SRGAP3: variants seen among roughly 807,000 people sequenced by gnomAD.
The protein encoded by SRGAP3 is SLIT-ROBO Rho GTPase-activating protein 3.
A neutral mutation model predicts 121.1 loss-of-function variants in SRGAP3; 39 were observed. The observed-to-expected ratio is 0.32, with a 90% CI of 0.25 to 0.42. The LOEUF (loss-of-function observed/expected upper bound fraction) is 0.42. Ranked by LOEUF, SRGAP3 falls within the 10% of genes least tolerant of loss-of-function variation. SRGAP3 has a pLI of 1.00. For missense variants in SRGAP3, 1,213 were observed against 1,470.6 expected (o/e 0.82, Z 2.86); for synonymous variants, 601 against 570.0 (o/e 1.05, Z -0.77).
chr3:9,317,216 G>A (rs770838095), intron 3 of SRGAP3, among the ~76,000 whole-genome samples: 5 of 152,166 alleles, frequency 3.3e-5, no homozygotes, highest in South Asian at 2.1e-4. Flanking sequence ...ACCAGCTAAC[G>A]TAGACTCCAT....
intron 4 of SRGAP3, among the ~76,000 whole-genome samples, chr3:9,067,965 G>C (rs1254738672): frequency 6.6e-6 from 1 of 152,068 alleles, no homozygotes; most frequent in African/African-American, 2.4e-5. Context: ...AAATAAAATA[G>C]GTGTGGCTAA....
chr3:9,049,564 G>C, intron 9 of SRGAP3: 1 of 451,178 alleles, frequency 2.2e-6, no homozygotes, highest in Non-Finnish European at 4.5e-6. Context: ...GTCCTCCCCA[G>C]TGTAAACTGA....
At chr3:9,161,865 T>A (rs1950609817) in intron 1 of SRGAP3, among the ~76,000 whole-genome samples, 1 of 151,734 alleles carries the variant, frequency 6.6e-6, no homozygotes, top group Non-Finnish European at 1.5e-5. Flanking sequence ...CAAACCTTTG[T>A]CAAAACCTCA....
At chr3:8,998,109 G>A (rs911944294) in intron 18 of SRGAP3, among the ~76,000 whole-genome samples, 20 of 152,090 alleles carry the variant, frequency 1.3e-4, no homozygotes, top group Non-Finnish European at 4.4e-5. Context: ...GGCTGGTCTC[G>A]AACTTCTGGA....
chr3:9,329,747 C>T (rs1955575085), intron 2 of SRGAP3, among the ~76,000 whole-genome samples: 1 of 152,184 alleles, frequency 6.6e-6, no homozygotes, highest in Admixed American at 6.5e-5. Flanking sequence ...TCTTTTCCAG[C>T]AGTCCCATCA....
chr3:9,015,695 T>C lies in SRGAP3; in HGVS notation c.1715A>G (p.Asp572Gly). 6.2e-7 allele frequency: 1 copy of C among 1,614,244 alleles called. No homozygotes were observed. Among genetic ancestry groups the C allele is most frequent in the Non-Finnish European group, 8.5e-7 (1 of 1,180,044 alleles). Residue 572 changes from aspartate (D) to glycine (G), a missense_variant, in exon 15 of 22, where the codon GAT becomes GGT. Physicochemically the swap from Asp to Gly is moderately conservative, Grantham distance 94. Transcript: ENST00000383836. ...TAAAACACCAGCGACTGAATTGATA[T>C]CTCGTTCATTTTGATCGTCCACAAG... is the stretch of plus-strand genomic sequence containing the variant. ...DPLVDDQNERDINSVAGVLKL... is the reference protein window; with the variant it reads ...DPLVDDQNERGINSVAGVLKL...
intron 11 of SRGAP3, chr3:9,036,961 AG>A (rs796312385): frequency 1.9e-4 from 29 of 152,318 alleles, no homozygotes; most frequent in African/African-American, 7.0e-4. Context: ...CAGAGCCCAG[AG>A]GAACAGCTGT....
At chr3:9,105,993 A>ATC (rs1560160814) in intron 2 of SRGAP3, among the ~76,000 whole-genome samples, 1 of 152,234 alleles carries the variant, frequency 6.6e-6, no homozygotes, top group African/African-American at 2.4e-5. Context: ...GTTGAATGCT[A>ATC]TCCTGAAAGT....
At chr3:9,052,428 T>C (rs569960502) in intron 9 of SRGAP3, among the ~76,000 whole-genome samples, 2 of 152,350 alleles carry the variant, frequency 1.3e-5, no homozygotes, top group Non-Finnish European at 2.9e-5. Flanking sequence ...TGGTCAGGGA[T>C]GTGGCTGAAC....
intron 18 of SRGAP3, 26 bp from the exon 19 acceptor site, chr3:8,994,549 G>T: frequency 6.2e-7 from 1 of 1,609,560 alleles, no homozygotes; most frequent in Non-Finnish European, 8.5e-7. Flanking sequence ...GGGAAAAAGC[G>T]TCTCTGAGGT....
intron 19 of SRGAP3, 24 bp from the exon 20 acceptor site, chr3:8,993,079 T>C (rs764901116): frequency 1.3e-5 from 21 of 1,613,126 alleles, no homozygotes; most frequent in Non-Finnish European, 1.8e-5. Flanking sequence ...AGACATGAAT[T>C]GGAGGCACCT....
chr3:9,352,424 T>C (rs916184872), intron 1 of SRGAP3, among the ~76,000 whole-genome samples: 5 of 151,932 alleles, frequency 3.3e-5, no homozygotes, highest in Non-Finnish European at 7.4e-5. Context: ...CAGGCACGCA[T>C]CACTACGCCT....
intron 3 of SRGAP3, among the ~76,000 whole-genome samples, chr3:9,320,363 G>C (rs1343089913): frequency 6.6e-6 from 1 of 151,942 alleles, no homozygotes; most frequent in Non-Finnish European, 1.5e-5. Flanking sequence ...CCTGGTGGGA[G>C]GTGGTTGGAT....
At chr3:9,298,319 T>C (rs1047438433) in intron 3 of SRGAP3, among the ~76,000 whole-genome samples, 1 of 152,230 alleles carries the variant, frequency 6.6e-6, no homozygotes, top group African/African-American at 2.4e-5. Flanking sequence ...ATAATTACTC[T>C]GGTCTTTCCA....
intron 10 of SRGAP3, among the ~76,000 whole-genome samples, chr3:9,042,186 T>A (rs1274313425): frequency 3.9e-5 from 6 of 152,010 alleles, no homozygotes; most frequent in South Asian, 2.1e-4. Context: ...TCAAAAAGAT[T>A]ATAATTTTGA....
In SRGAP3 at chr3:8,990,703, T is replaced by C. The variant is rs764823026; in HGVS notation, c.2695A>G (p.Ile899Val). The change falls in exon 21 of 22, where the codon ATC (isoleucine) becomes GTC (valine). Residue 899 changes from isoleucine (I) to valine (V), a missense_variant. Physicochemically the swap from Ile to Val is conservative, Grantham distance 29. Around this residue, in one of 2 missense-constraint regions of SRGAP3, gnomAD observed 420 missense variants for 437.7 expected, o/e 0.96. Coordinates refer to ENST00000383836, the MANE Select transcript of SRGAP3 (RefSeq NM_014850.4). The stretch of plus-strand genomic sequence containing the variant: ...TCGATCCTCCCCCGGGTGAGGGGGA[T>C]TTTGTGGGGGCTGCTGGGGCAGGCA... ...AAACPSSPHKIPLTRGRIESP... is the reference protein window; with the variant it reads ...AAACPSSPHKVPLTRGRIESP... The C allele has an allele frequency of 1.2e-6, 2 of 1,612,566 alleles. No individual in the cohort carries two copies. Among genetic ancestry groups the C allele is most frequent in the South Asian group, 2.2e-5 (2 of 90,940 alleles).
chr3:9,105,511 G>A (rs1355779272), intron 2 of SRGAP3, among the ~76,000 whole-genome samples: 1 of 152,180 alleles, frequency 6.6e-6, no homozygotes, highest in Non-Finnish European at 1.5e-5. Context: ...TGAAGCAGGG[G>A]TTCTTAAAGT....
At chr3:8,994,984 C>T (rs932706975) in intron 18 of SRGAP3, among the ~76,000 whole-genome samples, 1 of 152,192 alleles carries the variant, frequency 6.6e-6, no homozygotes, top group Non-Finnish European at 1.5e-5. Context: ...AAATCCGATA[C>T]AGGATTTTAA....
intron 1 of SRGAP3, among the ~76,000 whole-genome samples, chr3:9,358,720 G>C (rs943921256): frequency 6.6e-6 from 1 of 152,190 alleles, no homozygotes; most frequent in South Asian, 2.1e-4. Flanking sequence ...GGGTTTCCAT[G>C]ACCCCCTCTT....
Sources: gnomAD v4.1 joint callset for allele counts (sites outside exome capture counted in the v4.1 genomes callset) on GRCh38, gnomAD v4.1.1 for gene constraint, gnomAD v4.1.1 regional missense constraint, MANE v1.5 for transcripts, NCBI Gene and HGNC (gene_info 2026-07-23, HGNC 2026-07-21) for gene names.